Variants in NARS2 observed in about 807,000 individuals in gnomAD.
NARS2 encodes asparaginyl-tRNA synthetase.
In NARS2, 60 loss-of-function variants were observed where a neutral mutation model predicts 62.9. The ratio of observed to expected loss-of-function variants is 0.95; its 90% CI spans 0.77 to 1.18. The LOEUF (loss-of-function observed/expected upper bound fraction) is 1.18. Among genes scored for constraint, NARS2 ranks in the 50% most tolerant of loss-of-function variants. NARS2 has a pLI of 0.00. For synonymous variants in NARS2, 196 were observed against 200.0 expected, an observed-to-expected ratio of 0.98 and a Z score of 0.17; for missense variants, 619 against 576.4, an observed-to-expected ratio of 1.07 and a Z score of -0.76.
intron 5 of NARS2, among the ~76,000 whole-genome samples, chr11:78,533,904 T>C (rs1402042175): frequency 6.6e-6 from 1 of 152,236 alleles, no homozygotes. Context: ...ATACAATATG[T>C]AGCCTTTTCA....
chr11:78,565,859 G>A (rs1856726178), intron 4 of NARS2, among the ~76,000 whole-genome samples: 1 of 152,140 alleles, frequency 6.6e-6, no homozygotes, highest in South Asian at 2.1e-4. Flanking sequence ...CTACAGACCT[G>A]CTTAACAAAT....
chr11:78,463,856 C>A (rs1190862072), intron 11 of NARS2, among the ~76,000 whole-genome samples: 1 of 151,934 alleles, frequency 6.6e-6, no homozygotes, highest in Non-Finnish European at 1.5e-5. Context: ...CCCTTCATAG[C>A]CCTCCCCTCA....
chr11:78,444,583 G>A (rs1857686056), intron 11 of NARS2, among the ~76,000 whole-genome samples: 2 of 152,032 alleles, frequency 1.3e-5, no homozygotes, highest in African/African-American at 2.4e-5. Flanking sequence ...ACTGGGCTTG[G>A]TGGTGCATGC....
intron 5 of NARS2, among the ~76,000 whole-genome samples, chr11:78,550,321 G>A (rs569710094): frequency 2.0e-5 from 3 of 152,182 alleles, no homozygotes; most frequent in African/African-American, 7.2e-5. Context: ...CCCACCTTGC[G>A]CCTTACAAGG....
intron 5 of NARS2, among the ~76,000 whole-genome samples, chr11:78,547,254 C>T (rs920571909): frequency 7.2e-5 from 11 of 151,892 alleles, no homozygotes; most frequent in African/African-American, 2.2e-4. Context: ...GGGAGGATCA[C>T]TTGAGGTAAA....
chr11:78,441,078 G>A lies in NARS2; in HGVS notation c.1289+13C>T. On this transcript the variant is annotated intron_variant, in intron 13 of 13. Transcript: ENST00000281038. ...GCAGCTAGAGTAAGAATTATTAGGG[G>A]CCACATTCTTACCATTGGTAGACTT... 6.2e-7 allele frequency: 1 copy of A among 1,610,566 alleles called. No individual in the cohort carries two copies. Among genetic ancestry groups the A allele is most frequent in the South Asian group, 1.1e-5 (1 of 90,822 alleles).
chr11:78,526,703 C>G (rs10899538), intron 6 of NARS2, among the ~76,000 whole-genome samples: 4 of 151,816 alleles, frequency 2.6e-5, no homozygotes, highest in African/African-American at 9.7e-5. Context: ...TGGTTCACTG[C>G]GCTTTACTGG....
At chr11:78,564,206 A>G (rs1040507633) in intron 4 of NARS2, among the ~76,000 whole-genome samples, 21 of 147,616 alleles carry the variant, frequency 1.4e-4, no homozygotes, top group African/African-American at 5.0e-4. Flanking sequence ...AGTAATAATA[A>G]TATTTTTAAG....
chr11:78,486,878 AG>A, intron 7 of NARS2, among the ~76,000 whole-genome samples: 1 of 152,356 alleles, frequency 6.6e-6, no homozygotes, highest in Non-Finnish European at 1.5e-5. Flanking sequence ...TTAAAGAGAA[AG>A]ACTGAACTTC....
chr11:78,573,164 C>T (rs1306328646), intron 1 of NARS2: 1 of 152,220 alleles, frequency 6.6e-6, no homozygotes, highest in Non-Finnish European at 1.5e-5. Flanking sequence ...GTGAGGACAA[C>T]AGAAATCACT....
chr11:78,467,448 G>T (rs1045943035), intron 10 of NARS2, among the ~76,000 whole-genome samples: 1 of 152,044 alleles, frequency 6.6e-6, no homozygotes, highest in Non-Finnish European at 1.5e-5. Flanking sequence ...GAGTTGGGAG[G>T]AATGATGAGA....
chr11:78,550,370 T>C (rs1344764404), intron 5 of NARS2, among the ~76,000 whole-genome samples: 1 of 152,238 alleles, frequency 6.6e-6, no homozygotes, highest in African/African-American at 2.4e-5. Context: ...TCTTGTTCTT[T>C]GTTTATATTT....
chr11:78,498,439 C>T (rs1860147196), intron 6 of NARS2, among the ~76,000 whole-genome samples: 1 of 152,162 alleles, frequency 6.6e-6, no homozygotes, highest in Non-Finnish European at 1.5e-5. Flanking sequence ...AACTTTTCTC[C>T]CGATACTTTT....
intron 4 of NARS2, among the ~76,000 whole-genome samples, chr11:78,563,885 G>GTATTATTATTATTATTATTAT (rs550249150): frequency 6.2e-4 from 51 of 82,056 alleles, no homozygotes; most frequent in African/African-American, 2.3e-3. Context: ...CACACACACA[G>GTATTATTATTATTATTATTAT]TATTATTATT....
chr11:78,539,747 G>C (rs1054519074), intron 5 of NARS2, among the ~76,000 whole-genome samples: 2 of 152,182 alleles, frequency 1.3e-5, no homozygotes, highest in African/African-American at 2.4e-5. Flanking sequence ...GGAGTCTGTA[G>C]AGCATTTAGT....
chr11:78,437,988 AGAAAG>A (rs1857461985), intron 13 of NARS2, among the ~76,000 whole-genome samples: 1 of 137,844 alleles, frequency 7.3e-6, no homozygotes, highest in Non-Finnish European at 1.6e-5. Context: ...AAAAAAAAAA[AGAAAG>A]AAAAAAAAAA....
intron 4 of NARS2, among the ~76,000 whole-genome samples, chr11:78,562,995 A>G (rs907761841): frequency 6.6e-6 from 1 of 152,076 alleles, no homozygotes; most frequent in South Asian, 2.1e-4. Flanking sequence ...ACTATTACTT[A>G]ATATGCCTTA....
rs145507814 is a variant in NARS2, at chr11:78,562,463, A to C, written c.514-2844T>G. On this transcript the variant is annotated intron_variant, in intron 4 of 13. Transcript: ENST00000281038. ...AACAACAAAAATACTTCACATAGTC[A>C]GTGGCAGGCTTTGAAAACGCTGCCA... 1.3e-4 allele frequency among the ~76,000 whole-genome samples: 20 copies of C among 152,312 alleles called. No homozygotes were observed. In the East Asian group the frequency reaches 3.9e-3, roughly 29 times the overall value.
rs770801353 is a variant in NARS2 at position 78,567,100 on chromosome 11, A to G, written c.373-828T>C. ...TAATGTTGGAATACTTCAAAATGAT[A>G]CTGAATCAGAGGGCTTCAGGGAAGA... is the stretch of plus-strand genomic sequence containing the variant. On this transcript the variant is annotated intron_variant, in intron 3 of 13. Coordinates refer to ENST00000281038, the MANE Select transcript of NARS2 (RefSeq NM_024678.6). 2.0e-5 allele frequency among the ~76,000 whole-genome samples: 3 copies of G among 152,204 alleles called. No homozygotes were observed. The South Asian group carries it at 6.2e-4, about 32-fold the overall frequency.
Sources: gnomAD v4.1 joint callset for allele counts (sites outside exome capture counted in the v4.1 genomes callset) on GRCh38, gnomAD v4.1.1 for gene constraint, MANE v1.5 for transcripts, NCBI Gene and HGNC (gene_info 2026-07-23, HGNC 2026-07-21) for gene names.